Variants in SLC9A8 observed in about 807,000 individuals in gnomAD.
The protein encoded by SLC9A8 is solute carrier family 9 member A8.
Under a neutral mutation model 66.6 loss-of-function variants are expected in SLC9A8, and 48 were observed. The ratio of observed to expected loss-of-function variants is 0.72; its 90% CI spans 0.57 to 0.92. The LOEUF is 0.92. Ranked by LOEUF, SLC9A8 falls within the 40% of genes least tolerant of loss-of-function variation. The probability of loss-of-function intolerance (pLI) is 0.00; values close to 1 mark genes in which losing one functional copy is unlikely to be tolerated. For synonymous variants in SLC9A8, 274 were observed against 282.6 expected, an observed-to-expected ratio of 0.97 and a Z score of 0.31; for missense variants, 599 against 747.3, an observed-to-expected ratio of 0.80 and a Z score of 2.31.
intron 10 of SLC9A8, among the ~76,000 whole-genome samples, chr20:49,870,147 T>C (rs2146703491): frequency 6.6e-6 from 1 of 152,346 alleles, no homozygotes; most frequent in South Asian, 2.1e-4. Flanking sequence ...ATTCAAGAAA[T>C]ACTTATTAAA....
At chr20:49,844,940 G>T in intron 4 of SLC9A8, 96 bp from the exon 5 acceptor site, 1 of 812,420 alleles carries the variant, frequency 1.2e-6, no homozygotes, top group Non-Finnish European at 2.1e-6. Flanking sequence ...ACTAGGCCAG[G>T]CCCTGAGAGA....
chr20:49,870,748 C>G lies in SLC9A8; in HGVS notation c.959-3957C>G, dbSNP rs148575649. On this transcript the variant is annotated intron_variant, in intron 10 of 15. Transcript: ENST00000361573. ...ACAGGATCATGCTCTGTTACCCAGGCTGGAGTGCAGTGGCACAATCACGTC... is the reference window on the plus strand; with the variant it reads ...ACAGGATCATGCTCTGTTACCCAGGGTGGAGTGCAGTGGCACAATCACGTC... Among the ~76,000 whole-genome samples the G allele has an allele frequency of 8.5e-5, 13 of 152,304 alleles. No individual in the cohort carries two copies. The East Asian group carries it at 1.9e-3, about 23-fold the overall frequency.
chr20:49,866,226 T>G (rs570937068), intron 10 of SLC9A8, among the ~76,000 whole-genome samples: 1 of 152,294 alleles, frequency 6.6e-6, no homozygotes, highest in East Asian at 1.9e-4. Context: ...TTCAGTTACG[T>G]TTTTGAGAGA....
intron 2 of SLC9A8, among the ~76,000 whole-genome samples, chr20:49,818,503 C>T (rs7352468): frequency 0.14 from 12,130 of 88,938 alleles, 495 homozygotes; most frequent in Middle Eastern, 0.27. Context: ...TTTTTTTTTT[C>T]CCCCTGAGAT....
In SLC9A8 at chr20:49,812,982, C is replaced by G. The variant is rs1194042829; in HGVS notation, c.26+34C>G. 6 of 1,376,648 alleles carry G rather than the reference C, an allele frequency of 4.4e-6. No homozygotes were observed. In the South Asian group the frequency reaches 4.7e-5, roughly 11 times the overall value. The allele number at this position is 1,376,648 out of a possible 1,614,324, so 85.3% of individuals were successfully genotyped here. The stretch of plus-strand genomic sequence containing the variant: ...GCTTTTTCCCGGGCGGCGGAGGCGG[C>G]GGGGCTGGGCCCCGGCGGGTGACAG... On this transcript the variant is annotated intron_variant, in intron 1 of 15. Transcript: ENST00000361573.
intron 7 of SLC9A8, among the ~76,000 whole-genome samples, chr20:49,854,207 A>G (rs1010707787): frequency 6.6e-6 from 1 of 152,104 alleles, no homozygotes; most frequent in African/African-American, 2.4e-5. Flanking sequence ...GAAAATCACC[A>G]AAGGGCAGGG....
chr20:49,826,678 C>G (rs937788705), intron 3 of SLC9A8, among the ~76,000 whole-genome samples: 1 of 152,098 alleles, frequency 6.6e-6, no homozygotes, highest in African/African-American at 2.4e-5. Flanking sequence ...GGCCCCTGTT[C>G]GAAGCTTTCA....
Position 49,886,964 on chromosome 20 carries a change from GC to G in SLC9A8, c.1638+69del. The G allele has an allele frequency of 6.5e-7, 1 of 1,537,548 alleles. No homozygotes were observed. The highest frequency in any genetic ancestry group is 8.8e-7 in the Non-Finnish European group (1 of 1,133,880). On this transcript the variant is annotated intron_variant, in intron 15 of 15. Transcript: ENST00000361573. The surrounding 1 kb of genome is among the most constrained non-coding windows in gnomAD (Gnocchi z 4.8). ...CCTGCCTCCTTCAGGACCTGCGGTG[GC>G]CCAGGGTGGGGTGGAGGAAGAGTGG...
At chr20:49,879,562 C>T (rs183452370) in intron 12 of SLC9A8, among the ~76,000 whole-genome samples, 63 of 152,082 alleles carry the variant, frequency 4.1e-4, no homozygotes, top group African/African-American at 1.3e-3. Flanking sequence ...TGGTGGCTCA[C>T]GCCTATAATC....
At chr20:49,879,747 C>T (rs1600805552) in intron 12 of SLC9A8, among the ~76,000 whole-genome samples, 1 of 151,610 alleles carries the variant, frequency 6.6e-6, no homozygotes, top group African/African-American at 2.4e-5. Context: ...ATTGCTTGAA[C>T]CCGGGAGGCA....
intron 3 of SLC9A8, among the ~76,000 whole-genome samples, chr20:49,837,032 T>C (rs2087564348): frequency 6.6e-6 from 1 of 152,174 alleles, no homozygotes. Context: ...ACAAGAAAAT[T>C]CCTTGTGGAC....
chr20:49,825,438 C>G (rs1183958118), intron 3 of SLC9A8, among the ~76,000 whole-genome samples: 1 of 152,080 alleles, frequency 6.6e-6, no homozygotes, highest in South Asian at 2.1e-4. Context: ...GCCAGGAGTT[C>G]AAGACCAGCC....
At chr20:49,867,354 T>A (rs2089017094) in intron 10 of SLC9A8, among the ~76,000 whole-genome samples, 1 of 152,194 alleles carries the variant, frequency 6.6e-6, no homozygotes, top group South Asian at 2.1e-4. Flanking sequence ...ACATTTAAAC[T>A]TTTTTAGGGC....
At chr20:49,827,374 G>A (rs1033847364) in intron 3 of SLC9A8, among the ~76,000 whole-genome samples, 10 of 151,352 alleles carry the variant, frequency 6.6e-5, no homozygotes, top group African/African-American at 2.4e-4. Flanking sequence ...AGGCCGAGGC[G>A]GGCAGATCAC....
Position 49,886,755 on chromosome 20 carries a change from A to AAC in SLC9A8, c.1498_1499dup (p.Val501LeufsTer36), listed in dbSNP as rs776015597. 1 of 1,613,756 alleles carries AAC rather than the reference A, an allele frequency of 6.2e-7. No homozygotes were observed. Among genetic ancestry groups the AAC allele is most frequent in the South Asian group, 1.1e-5 (1 of 91,004 alleles). ...GCCGCCTTTCCTCCCTGCTCAGGGCAACACTGTGGAGTCGGAGCACCTGTC... is the reference window on the plus strand; with the variant it reads ...GCCGCCTTTCCTCCCTGCTCAGGGCAACACACTGTGGAGTCGGAGCACCTGTC... On this transcript the variant is annotated frameshift_variant, in exon 15 of 16. Coordinates refer to ENST00000361573, the MANE Select transcript of SLC9A8 (RefSeq NM_015266.3). LOFTEE classifies it high-confidence loss of function. The surrounding 1 kb of genome is among the most constrained non-coding windows in gnomAD (Gnocchi z 4.8).
At chr20:49,853,255 T>G (rs2088324385) in intron 7 of SLC9A8, among the ~76,000 whole-genome samples, 1 of 152,094 alleles carries the variant, frequency 6.6e-6, no homozygotes. Context: ...GCTGTCCTCC[T>G]GCCTCAGCCT....
intron 4 of SLC9A8, among the ~76,000 whole-genome samples, chr20:49,841,040 C>T (rs375013137): frequency 7.9e-5 from 12 of 152,018 alleles, no homozygotes; most frequent in Non-Finnish European, 1.6e-4. Context: ...TGCGGTGGCT[C>T]ATGCCTGTAA....
chr20:49,867,263 T>G (rs1037898845), intron 10 of SLC9A8, among the ~76,000 whole-genome samples: 11 of 152,070 alleles, frequency 7.2e-5, no homozygotes, highest in Non-Finnish European at 1.2e-4. Context: ...CAATTTTTTT[T>G]GTGTGTGTGT....
intron 7 of SLC9A8, among the ~76,000 whole-genome samples, chr20:49,851,951 G>A (rs2088271274): frequency 6.6e-6 from 1 of 152,238 alleles, no homozygotes; most frequent in South Asian, 2.1e-4. Context: ...TTCCTGTGAA[G>A]TTGAATTGAA....
Sources: gnomAD v4.1 joint callset for allele counts (sites outside exome capture counted in the v4.1 genomes callset) on GRCh38, gnomAD v4.1.1 for gene constraint, Gnocchi (gnomAD v3.1) non-coding constraint, MANE v1.5 for transcripts, NCBI Gene and HGNC (gene_info 2026-07-23, HGNC 2026-07-21) for gene names.